The following PDE4B variants were observed in gnomAD, a reference collection of about 807,000 sequenced individuals.
PDE4B encodes 3',5'-cyclic-AMP phosphodiesterase 4B.
In PDE4B, 20 loss-of-function variants were observed where a neutral mutation model predicts 82.2. That is an observed-to-expected ratio of 0.24 (90% CI 0.17 to 0.35). PDE4B has a LOEUF of 0.35. Ranked by LOEUF, PDE4B falls within the 10% of genes least tolerant of loss-of-function variation. PDE4B has a pLI of 1.00. For missense variants in PDE4B, 655 were observed against 907.2 expected (o/e 0.72, Z 3.57); for synonymous variants, 320 against 318.9 (o/e 1.00, Z -0.04).
intron 3 of PDE4B, among the ~76,000 whole-genome samples, chr1:66,189,500 A>C (rs973932058): frequency 2.6e-5 from 4 of 152,128 alleles, no homozygotes; most frequent in Non-Finnish European, 4.4e-5. Flanking sequence ...CTTTTCACAT[A>C]GTCCCATATT....
intron 3 of PDE4B, among the ~76,000 whole-genome samples, chr1:65,921,416 A>G (rs533798246): frequency 3.1e-4 from 47 of 152,186 alleles, no homozygotes; most frequent in Non-Finnish European, 6.0e-4. Context: ...CATCAATGCC[A>G]TCAACTTGAT....
chr1:66,182,694 T>C (rs1412769276), intron 3 of PDE4B, among the ~76,000 whole-genome samples: 1 of 152,152 alleles, frequency 6.6e-6, no homozygotes, highest in African/African-American at 2.4e-5. Context: ...GCTGCTCCAA[T>C]TTTTCTGCCC....
intron 3 of PDE4B, among the ~76,000 whole-genome samples, chr1:66,160,755 C>T (rs927140141): frequency 3.9e-5 from 6 of 152,148 alleles, no homozygotes; most frequent in African/African-American, 1.2e-4. Flanking sequence ...AATTTTGTTT[C>T]TCATGGAAAG....
chr1:66,144,827 G>A (rs1570336619), intron 3 of PDE4B, among the ~76,000 whole-genome samples: 2 of 152,168 alleles, frequency 1.3e-5, no homozygotes, highest in Non-Finnish European at 1.5e-5. Context: ...TCTTTCTAAA[G>A]GAAAATGAAT....
chr1:65,822,100 C>CA (rs1312923949), intron 1 of PDE4B, among the ~76,000 whole-genome samples: 1 of 152,102 alleles, frequency 6.6e-6, no homozygotes, highest in Non-Finnish European at 1.5e-5. Flanking sequence ...TCTTCCTGAG[C>CA]AGTAGCTGGT....
intron 1 of PDE4B, among the ~76,000 whole-genome samples, chr1:65,816,952 T>C (rs1205336680): frequency 6.6e-6 from 1 of 152,234 alleles, no homozygotes; most frequent in Non-Finnish European, 1.5e-5. Context: ...AGATGATTCT[T>C]GTGCTCCAGA....
At chr1:65,935,959 A>T (rs1340202857) in intron 3 of PDE4B, among the ~76,000 whole-genome samples, 1 of 152,070 alleles carries the variant, frequency 6.6e-6, no homozygotes, top group Non-Finnish European at 1.5e-5. Flanking sequence ...AACAACAACA[A>T]CAACAACAAC....
chr1:66,216,772 G>A (rs1368132032), intron 3 of PDE4B, among the ~76,000 whole-genome samples: 8 of 152,208 alleles, frequency 5.3e-5, no homozygotes, highest in East Asian at 3.9e-4. Flanking sequence ...GAAACAACTC[G>A]TTTCAGGCAC....
intron 3 of PDE4B, among the ~76,000 whole-genome samples, chr1:66,011,551 TA>T (rs1652489014): frequency 1.3e-5 from 2 of 152,240 alleles, no homozygotes; most frequent in South Asian, 4.1e-4. Flanking sequence ...GGGCATTATG[TA>T]GAAGAGAAAA....
intron 3 of PDE4B, among the ~76,000 whole-genome samples, chr1:66,039,290 TC>T (rs1001315129): frequency 6.6e-6 from 1 of 152,082 alleles, no homozygotes; most frequent in African/African-American, 2.4e-5. Flanking sequence ...TTGCTTTTCT[TC>T]TTAGTGTATC....
At chr1:66,083,569 A>G (rs1381154623) in intron 3 of PDE4B, among the ~76,000 whole-genome samples, 3 of 152,170 alleles carry the variant, frequency 2.0e-5, no homozygotes, top group Non-Finnish European at 4.4e-5. Context: ...TGAGAGGGTC[A>G]GGAATCCAGG....
chr1:66,271,135 C>CATTA (rs1655444910), intron 7 of PDE4B, among the ~76,000 whole-genome samples: 1 of 152,238 alleles, frequency 6.6e-6, no homozygotes, highest in Non-Finnish European at 1.5e-5. Flanking sequence ...CTCGCAAAAA[C>CATTA]ATTAATACCT....
intron 3 of PDE4B, among the ~76,000 whole-genome samples, chr1:66,140,918 C>T (rs1006857055): frequency 6.6e-6 from 1 of 152,150 alleles, no homozygotes; most frequent in Non-Finnish European, 1.5e-5. Flanking sequence ...CATTTTAGAT[C>T]TTTGTTTTGA....
chr1:65,980,194 C>CA (rs1406016560), intron 3 of PDE4B, among the ~76,000 whole-genome samples: 1 of 151,966 alleles, frequency 6.6e-6, no homozygotes, highest in Non-Finnish European at 1.5e-5. Flanking sequence ...ACATTATGCA[C>CA]AAAAAACCAT....
intron 3 of PDE4B, among the ~76,000 whole-genome samples, chr1:65,924,162 C>T (rs1190516614): frequency 8.1e-6 from 1 of 124,138 alleles, no homozygotes; most frequent in Non-Finnish European, 1.7e-5. Flanking sequence ...GCAAGCTCCG[C>T]CTCCCGGGTT....
intron 4 of PDE4B, among the ~76,000 whole-genome samples, chr1:66,254,526 C>A (rs1408448195): frequency 1.3e-5 from 2 of 152,098 alleles, no homozygotes; most frequent in Non-Finnish European, 2.9e-5. Context: ...TTGTAGGAAA[C>A]CCCTAAATCT....
intron 3 of PDE4B, among the ~76,000 whole-genome samples, chr1:66,062,316 A>G (rs1464414855): frequency 2.0e-5 from 3 of 152,142 alleles, no homozygotes. Context: ...TGGCACCTAA[A>G]TAAAAATGGC....
chr1:65,800,010 A>G (rs555242054), intron 1 of PDE4B, among the ~76,000 whole-genome samples: 3 of 152,294 alleles, frequency 2.0e-5, no homozygotes, highest in African/African-American at 4.8e-5. Flanking sequence ...TTTAAAACCA[A>G]TTTCACCTAT....
intron 3 of PDE4B, among the ~76,000 whole-genome samples, chr1:66,239,852 CA>C (rs1557653776): frequency 6.6e-6 from 1 of 151,610 alleles, no homozygotes; most frequent in Admixed American, 6.6e-5. Context: ...GTTTACAACC[CA>C]AAAAAAGGAT....
Sources: allele counts gnomAD v4.1 joint callset (sites outside exome capture counted in the v4.1 genomes callset), GRCh38; gene constraint gnomAD v4.1.1; transcripts MANE v1.5; gene names NCBI Gene and HGNC (gene_info 2026-07-23, HGNC 2026-07-21).